ARSD: variants seen among roughly 807,000 people sequenced by gnomAD.
ARSD encodes the protein arylsulfatase D, also known as testis tissue sperm-binding protein Li 39a.
A neutral mutation model predicts 32.6 loss-of-function variants in ARSD; 21 were observed. The ratio of observed to expected loss-of-function variants is 0.64; its 90% confidence interval spans 0.46 to 0.93. ARSD has a LOEUF of 0.93. Among genes scored for constraint, ARSD ranks in the 40% least tolerant of loss-of-function variants. The pLI is 0.00. For synonymous variants in ARSD, 224 were observed against 237.4 expected, an observed-to-expected ratio of 0.94 and a Z score of 0.52; for missense variants, 454 against 520.9, an observed-to-expected ratio of 0.87 and a Z score of 1.25.
chrX:2,923,687 T>C (rs1327650073), intron 2 of ARSD, among the ~76,000 whole-genome samples: 1 of 111,182 alleles, frequency 9.0e-6, no homozygotes, highest in East Asian at 2.8e-4. Flanking sequence ...CCAGTCCTAT[T>C]GGATCAGGGC....
At chrX:2,914,576 C>T (rs373592652) in intron 6 of ARSD, 78 of 1,013,663 alleles carry the variant, frequency 7.7e-5, no homozygotes, top group Non-Finnish European at 9.1e-5. Context: ...AACTCTATCA[C>T]GATGCTTGTC....
At chrX:2,919,396 G>A (rs73437538) in intron 4 of ARSD, among the ~76,000 whole-genome samples, 48,399 of 104,506 alleles carry the variant, frequency 0.46, 8,823 homozygotes, top group Admixed American at 0.5. Flanking sequence ...TGTGTATGAC[G>A]GGGACAGCAC....
In ARSD at chrX:2,908,734, C is replaced by T. The variant is rs1265992819; in HGVS notation, c.1407G>A (p.Trp469Ter). ...GCAGGTACTCACTGTCCTTCTGGTG[C>T]CAGCGTGCTGCGTGAAGATGCTGCC... is the stretch of plus-strand genomic sequence containing the variant. ...YCGQHLHAAR[W>*]HQKDSGSVWK... is the part of the protein sequence containing the mutation. Residue 469 changes from tryptophan (W) to a stop codon, truncating the protein, a stop_gained, in exon 9 of 10, where the codon TGG becomes TGA. Coordinates refer to ENST00000381154, the MANE Select transcript of ARSD (RefSeq NM_001669.4). LOFTEE classifies it low-confidence loss of function (END_TRUNC). 2.5e-6 allele frequency: 3 copies of T among 1,197,594 alleles called. No homozygotes were observed. Among genetic ancestry groups the T allele is most frequent in the Admixed American group, 2.2e-5 (1 of 44,506 alleles).
intron 9 of ARSD, among the ~76,000 whole-genome samples, 179 bp downstream of exon 9, chrX:2,908,542 C>CG (rs2088874441): frequency 1.0e-5 from 1 of 100,193 alleles, no homozygotes; most frequent in African/African-American, 3.7e-5. Context: ...TCTCCCCCCC[C>CG]CATCATCTAT....
In ARSD at chrX:2,913,549, T is replaced by C. The variant is rs758531047; in HGVS notation, c.1000+2007A>G. 258 of 983,716 alleles carry C rather than the reference T, an allele frequency of 2.6e-4. 1 individual carries two copies. The South Asian group carries it at 4.7e-3, about 18-fold the overall frequency. 81.1% of individuals were successfully genotyped at this position (983,716 alleles called of 1,213,427 possible). On this transcript the variant is annotated intron_variant, in intron 6 of 9. Transcript: ENST00000381154. ...ATCACTATGCTTGTCTCGGGAGATATGTTCAGATTCTGCAAGGATTTTAAT... is the reference window on the plus strand; with the variant it reads ...ATCACTATGCTTGTCTCGGGAGATACGTTCAGATTCTGCAAGGATTTTAAT...
intron 5 of ARSD, 95 bp downstream of exon 5, chrX:2,917,709 G>T (rs1241656134): frequency 6.5e-6 from 6 of 917,109 alleles, no homozygotes; most frequent in Non-Finnish European, 5.9e-6. Context: ...TGGGCTAAAA[G>T]ATCCTCCCAT....
At chrX:2,913,454 A>T (rs2088919907) in intron 6 of ARSD, 1 of 715,504 alleles carries the variant, frequency 1.4e-6, no homozygotes, top group Non-Finnish European at 1.7e-6. Flanking sequence ...CAAAGGAGGG[A>T]ATCCATTCAG....
Position 2,907,588 on chromosome X carries a change from G to T in ARSD, c.1465C>A (p.Pro489Thr). The change falls in exon 10 of 10, where the codon CCC becomes ACC. Residue 489 changes from proline (P) to threonine (T), a missense_variant. This residue lies in a region of ARSD where 179 missense variants were observed against 198.5 expected (regional missense o/e 0.90). Coordinates refer to ENST00000381154, the MANE Select transcript of ARSD (RefSeq NM_001669.4). ...KVHYTTPQFH[P>T]EGAGACYGRG... ...CCGTAGCAGGCCCCCGCTCCCTCGG[G>T]GTGGAACTGCGGGGTCGTGTAATGA... The T allele has an allele frequency of 8.9e-7, 1 of 1,128,690 alleles. No individual in the cohort carries two copies. The highest frequency in any genetic ancestry group is 1.2e-6 in the Non-Finnish European group (1 of 853,959). The allele number at this position is 1,128,690 out of a possible 1,213,427, so 93.0% of individuals were successfully genotyped here.
In ARSD at chrX:2,907,548, G is replaced by A; in HGVS notation, c.1505C>T (p.Pro502Leu). ...ATGGGTCACGCCCTCCCCGGAGCAT[G>A]GGCAGACGCCTCGGCCGTAGCAGGC... Reference protein sequence around the residue: ...AGACYGRGVCPCSGEGVTHHR... With the variant: ...AGACYGRGVCLCSGEGVTHHR... Residue 502 changes from proline to leucine, a missense_variant, in exon 10 of 10, where the codon CCA (proline) becomes CTA (leucine). Transcript: ENST00000381154. 2 of 1,168,446 alleles carry A rather than the reference G, an allele frequency of 1.7e-6. No individual in the cohort carries two copies. The highest frequency in any genetic ancestry group is 1.7e-5 in the African/African-American group (1 of 57,150).
intron 2 of ARSD, among the ~76,000 whole-genome samples, chrX:2,924,865 C>G (rs1447246213): frequency 9.0e-6 from 1 of 111,094 alleles, no homozygotes; most frequent in Non-Finnish European, 1.9e-5. Flanking sequence ...CCAGAGATGC[C>G]TGGAGCCCCC....
intron 1 of ARSD, among the ~76,000 whole-genome samples, chrX:2,927,737 C>A (rs1056584441): frequency 6.2e-5 from 7 of 112,191 alleles, no homozygotes; most frequent in Non-Finnish European, 1.1e-4. Flanking sequence ...TTTGTGACTT[C>A]ACCCTAGTCT....
At position 2,907,338 on chromosome X, in the gene ARSD, C is replaced by T. The variant is rs2088859415; in HGVS notation, c.1715G>A (p.Trp572Ter). Reference sequence around the variant, plus strand: ...GAAATGTCCGCAGCACGGCTGCAGCCACGGCTTCCACAGGATGTTGCTCAT... The same window carrying T: ...GAAATGTCCGCAGCACGGCTGCAGCTACGGCTTCCACAGGATGTTGCTCAT... Reference protein sequence around the residue: ...FSMSNILWKPWLQPCCGHFPF... With the variant: ...FSMSNILWKP Residue 572 changes from tryptophan to a stop codon, truncating the protein, a stop_gained, in exon 10 of 10, where the codon TGG (tryptophan) becomes TAG (stop). Transcript: ENST00000381154. LOFTEE classifies it low-confidence loss of function (END_TRUNC). 1 of 1,211,949 alleles carries T rather than the reference C, an allele frequency of 8.3e-7. No individual in the cohort carries two copies.
intron 4 of ARSD, 79 bp from the exon 5 acceptor site, chrX:2,918,306 G>T (rs2088992529): frequency 2.0e-6 from 2 of 980,463 alleles, no homozygotes; most frequent in Admixed American, 3.9e-5. Flanking sequence ...GAATCATTCC[G>T]CGTCGGCAGG....
At chrX:2,924,715 G>A (rs2089065277) in intron 2 of ARSD, among the ~76,000 whole-genome samples, 1 of 112,277 alleles carries the variant, frequency 8.9e-6, no homozygotes, top group Non-Finnish European at 1.9e-5. Context: ...TAGGTATCCC[G>A]AGATGAGATC....
At position 2,907,644 on chromosome X, in the gene ARSD, C is replaced by G; in HGVS notation, c.1421-12G>C. 1 of 1,097,237 alleles carries G rather than the reference C, an allele frequency of 9.1e-7. No homozygotes were observed. The highest frequency in any genetic ancestry group is 1.2e-6 in the Non-Finnish European group (1 of 839,766). The allele number at this position is 1,097,237 out of a possible 1,213,427, so 90.4% of individuals were successfully genotyped here. ...CCAGACGCTTCCACCTGGATGCAGA[C>G]AAGAAGGGAGTCAGGGTGGCAGAAA... On this transcript the variant is annotated splice_polypyrimidine_tract_variant and intron_variant, in intron 9 of 9. Transcript: ENST00000381154.
In ARSD at chrX:2,907,119, AAAAG is replaced by A. The variant is rs752079571; in HGVS notation, c.*148_*151del. On this transcript the variant is annotated 3_prime_UTR_variant, in exon 10 of 10. Coordinates refer to ENST00000381154, the MANE Select transcript of ARSD (RefSeq NM_001669.4). ...GGGACAGAGCGACACTCTGTCTCAA[AAAAG>A]AAAGAAAGAAAGAAAGAAAGTGGGG... 1.1e-3 allele frequency: 547 copies of A among 516,107 alleles called. 2 individuals carry two copies. Among genetic ancestry groups the A allele is most frequent in the Admixed American group, 2.3e-3 (55 of 23,685 alleles). The allele number at this position is 516,107 out of a possible 1,213,427, so 42.5% of individuals were successfully genotyped here.
Position 2,917,952 on chromosome X carries a change from G to A in ARSD, c.715C>T (p.Leu239=), listed in dbSNP as rs755296450. The part of the protein sequence containing the change: ...AVTGMAGVGC[L]FFISWYSSFG... ...GAGGAGTACCAAGAGATGAAAAACA[G>A]GCAGCCCACGCCGGCCATGCCGGTG... The change falls in exon 5 of 10, where the codon CTG becomes TTG. Residue 239 remains leucine, a synonymous_variant. Transcript: ENST00000381154. The A allele has an allele frequency of 4.1e-6, 5 of 1,210,949 alleles. No homozygotes were observed. The East Asian group carries it at 8.9e-5, about 22-fold the overall frequency.
In ARSD at chrX:2,916,131, C is replaced by CAAAAAA. The variant is rs55848346; in HGVS notation, c.864-445_864-440dup. ...TGGGTGACAGAGCCAGACCCTGTCT[C>CAAAAAA]AAAAAAAAAAAAAAAAAAAAAGAAT... On this transcript the variant is annotated intron_variant, in intron 5 of 9. Coordinates refer to ENST00000381154, the MANE Select transcript of ARSD (RefSeq NM_001669.4). 1.3e-3 allele frequency among the ~76,000 whole-genome samples: 50 copies of CAAAAAA among 38,244 alleles called. 1 individual carries two copies. Among genetic ancestry groups the CAAAAAA allele is most frequent in the African/African-American group, 5.1e-3 (47 of 9,247 alleles). 33.2% of individuals were successfully genotyped at this position (38,244 alleles called of 115,157 possible).
chrX:2,925,217 AGAG>A (rs1159039361), intron 2 of ARSD, among the ~76,000 whole-genome samples: 4 of 111,671 alleles, frequency 3.6e-5, no homozygotes, highest in African/African-American at 1.3e-4. Context: ...ACACAGACGC[AGAG>A]GAGAAGGCCC....
Sources: gnomAD v4.1 joint callset for allele counts (sites outside exome capture counted in the v4.1 genomes callset) on GRCh38, gnomAD v4.1.1 for gene constraint, gnomAD v4.1.1 regional missense constraint, MANE v1.5 for transcripts, NCBI Gene and HGNC (gene_info 2026-07-23, HGNC 2026-07-21) for gene names.